Variants in SEMA3E observed in about 807,000 individuals in gnomAD.
SEMA3E encodes semaphorin-3E.
A neutral mutation model predicts 93.6 loss-of-function variants in SEMA3E; 49 were observed. That is an observed-to-expected ratio of 0.52 (90% CI 0.42 to 0.66). SEMA3E has a LOEUF of 0.66. Among genes scored for constraint, SEMA3E ranks in the 30% least tolerant of loss-of-function variants. SEMA3E has a pLI of 0.00. For missense variants in SEMA3E, 906 were observed against 964.8 expected, an observed-to-expected ratio of 0.94 and a Z score of 0.81; for synonymous variants, 363 against 330.7, an observed-to-expected ratio of 1.10 and a Z score of -1.06.
intron 1 of SEMA3E, among the ~76,000 whole-genome samples, chr7:83,581,516 T>A (rs1167783831): frequency 1.3e-5 from 2 of 152,064 alleles, no homozygotes; most frequent in African/African-American, 4.8e-5. Flanking sequence ...TTTATTTAAC[T>A]GGTATATAGC....
intron 4 of SEMA3E, among the ~76,000 whole-genome samples, chr7:83,422,991 T>C (rs947178625): frequency 1.3e-5 from 2 of 152,162 alleles, no homozygotes; most frequent in African/African-American, 4.8e-5. Flanking sequence ...TTCTTGAGGC[T>C]ATATTTGACT....
At chr7:83,423,703 G>A (rs1328984291) in intron 4 of SEMA3E, among the ~76,000 whole-genome samples, 1 of 149,338 alleles carries the variant, frequency 6.7e-6, no homozygotes, top group African/African-American at 2.5e-5. Context: ...AGTAGAGACA[G>A]AGTTTCACCA....
chr7:83,619,941 A>AGATAGATG lies in SEMA3E; in HGVS notation c.115+28486_115+28487insCATCTATC, dbSNP rs1191709674. Among the ~76,000 whole-genome samples, 6 of 152,018 alleles carry AGATAGATG rather than the reference A, an allele frequency of 3.9e-5. No homozygotes were observed. The South Asian group carries it at 1.0e-3, about 26-fold the overall frequency. ...TAGATAGACAGATAGATAGATAGAT[A>AGATAGATG]GATGCAAAACCATGTTTGCTCTTTT... is the stretch of plus-strand genomic sequence containing the variant. On this transcript the variant is annotated intron_variant, in intron 1 of 16. Transcript: ENST00000643230.
chr7:83,416,990 C>CAT (rs1446030464), intron 5 of SEMA3E, among the ~76,000 whole-genome samples: 1 of 63,362 alleles, frequency 1.6e-5, no homozygotes, highest in Non-Finnish European at 4.7e-5. Context: ...TTTATACACA[C>CAT]ACACACACAC....
chr7:83,538,207 G>T (rs1427092634), intron 1 of SEMA3E, among the ~76,000 whole-genome samples: 1 of 151,806 alleles, frequency 6.6e-6, no homozygotes, highest in African/African-American at 2.4e-5. Context: ...ATTTCTCTTG[G>T]GTATATACCT....
intron 4 of SEMA3E, among the ~76,000 whole-genome samples, chr7:83,442,274 A>G (rs985315048): frequency 6.6e-6 from 1 of 152,186 alleles, no homozygotes; most frequent in Admixed American, 6.5e-5. Flanking sequence ...AATACTTTTC[A>G]ATCTCTTTTC....
intron 4 of SEMA3E, among the ~76,000 whole-genome samples, chr7:83,418,709 G>A (rs1294948657): frequency 2.0e-5 from 3 of 152,108 alleles, no homozygotes; most frequent in Non-Finnish European, 4.4e-5. Context: ...TGCAGGTGAT[G>A]AAAGAAAATA....
At chr7:83,540,172 T>C (rs55640643) in intron 1 of SEMA3E, among the ~76,000 whole-genome samples, 33,481 of 152,046 alleles carry the variant, frequency 0.22, 3,880 homozygotes, top group East Asian at 0.39. Context: ...CATGAGCCAC[T>C]GCTCCTGGCC....
At position 83,422,621 on chromosome 7, in the gene SEMA3E, A is replaced by G. The variant is rs188893387; in HGVS notation, c.457-4138T>C. Among the ~76,000 whole-genome samples, 15 of 152,330 alleles carry G rather than the reference A, an allele frequency of 9.8e-5. 1 individual carries two copies. The East Asian group carries it at 2.9e-3, about 29-fold the overall frequency. On this transcript the variant is annotated intron_variant, in intron 4 of 16. Coordinates refer to ENST00000643230, the MANE Select transcript of SEMA3E (RefSeq NM_012431.3). Reference sequence around the variant, plus strand: ...TTTACTATAGTCAAACATCAGCGTCATGGAAAGCTGACAGTGATACTAGGC... The same window carrying G: ...TTTACTATAGTCAAACATCAGCGTCGTGGAAAGCTGACAGTGATACTAGGC...
intron 1 of SEMA3E, among the ~76,000 whole-genome samples, chr7:83,547,998 A>C (rs1791685252): frequency 6.6e-6 from 1 of 152,100 alleles, no homozygotes; most frequent in South Asian, 2.1e-4. Flanking sequence ...GGCTACCCTC[A>C]GTAGAATATC....
intron 1 of SEMA3E, among the ~76,000 whole-genome samples, chr7:83,550,851 A>G (rs1584325379): frequency 6.6e-6 from 1 of 152,258 alleles, no homozygotes; most frequent in Non-Finnish European, 1.5e-5. Context: ...AAATGCAAAC[A>G]TCCCACTAGA....
intron 1 of SEMA3E, among the ~76,000 whole-genome samples, chr7:83,572,247 A>T (rs1331708415): frequency 6.6e-6 from 1 of 152,184 alleles, no homozygotes; most frequent in African/African-American, 2.4e-5. Flanking sequence ...ATTGAACCAA[A>T]AAAAGTGTAT....
At chr7:83,471,062 C>T (rs1422318050) in intron 2 of SEMA3E, among the ~76,000 whole-genome samples, 22 of 151,724 alleles carry the variant, frequency 1.5e-4, no homozygotes, top group Non-Finnish European at 2.6e-4. Flanking sequence ...ACATAAGTCA[C>T]TTACTTTCAA....
intron 16 of SEMA3E, among the ~76,000 whole-genome samples, chr7:83,381,082 T>A (rs1787767951): frequency 6.6e-6 from 1 of 151,976 alleles, no homozygotes; most frequent in African/African-American, 2.4e-5. Context: ...TTTATCCCCA[T>A]CCCAACATAC....
At chr7:83,570,887 T>A (rs215279) in intron 1 of SEMA3E, among the ~76,000 whole-genome samples, 64,307 of 150,298 alleles carry the variant, frequency 0.43, 14,841 homozygotes, top group African/African-American at 0.61. Context: ...CACAGAAATT[T>A]AAAAAAAGAT....
At chr7:83,561,540 A>C (rs215272) in intron 1 of SEMA3E, among the ~76,000 whole-genome samples, 3,734 of 152,138 alleles carry the variant, frequency 0.025, 152 homozygotes, top group African/African-American at 0.085. Context: ...GCCCTCAAGG[A>C]ATCAATGGCT....
At chr7:83,419,830 A>G (rs956154521) in intron 4 of SEMA3E, among the ~76,000 whole-genome samples, 1 of 103,580 alleles carries the variant, frequency 9.7e-6, no homozygotes, top group African/African-American at 2.7e-5. Flanking sequence ...TGTCAAAATA[A>G]TAAGTCGTAT....
intron 4 of SEMA3E, among the ~76,000 whole-genome samples, chr7:83,466,072 C>A (rs1789749053): frequency 6.6e-6 from 1 of 152,120 alleles, no homozygotes; most frequent in Non-Finnish European, 1.5e-5. Flanking sequence ...ATCAAAAAGT[C>A]TTTGCATGTC....
chr7:83,482,614 G>A (rs1238877554), intron 2 of SEMA3E, among the ~76,000 whole-genome samples: 3 of 142,436 alleles, frequency 2.1e-5, no homozygotes, highest in Admixed American at 7.0e-5. Context: ...ACAGTGAAGA[G>A]AACAGATTTA....
Sources: allele counts gnomAD v4.1 joint callset (sites outside exome capture counted in the v4.1 genomes callset), GRCh38; gene constraint gnomAD v4.1.1; transcripts MANE v1.5; gene names NCBI Gene and HGNC (gene_info 2026-07-23, HGNC 2026-07-21).